TMC1: variants seen among roughly 807,000 people sequenced by gnomAD.
TMC1 encodes transmembrane channel like 1.
Under a neutral mutation model 105.8 loss-of-function variants are expected in TMC1, and 84 were observed. The observed-to-expected ratio is 0.79, with a 90% CI of 0.67 to 0.95. The LOEUF is 0.95. Ranked by LOEUF, TMC1 falls within the 40% of genes least tolerant of loss-of-function variation. The pLI, the probability that TMC1 is intolerant of heterozygous loss-of-function variation, is 0.00. For synonymous variants in TMC1, 315 were observed against 311.5 expected (o/e 1.01, Z -0.12); for missense variants, 817 against 914.1 (o/e 0.89, Z 1.37).
intron 5 of TMC1, among the ~76,000 whole-genome samples, chr9:72,682,743 G>A (rs1826307983): frequency 6.6e-6 from 1 of 152,148 alleles, no homozygotes; most frequent in Non-Finnish European, 1.5e-5. Flanking sequence ...GGCTGTATTA[G>A]CCCATTCTTG....
At chr9:72,621,900 A>T (rs1282488006) in intron 3 of TMC1, among the ~76,000 whole-genome samples, 1 of 152,222 alleles carries the variant, frequency 6.6e-6, no homozygotes, top group Non-Finnish European at 1.5e-5. Flanking sequence ...AAATAATCAT[A>T]AGATATCTGC....
At chr9:72,542,332 G>A (rs1823692876) in intron 1 of TMC1, among the ~76,000 whole-genome samples, 1 of 152,140 alleles carries the variant, frequency 6.6e-6, no homozygotes, top group South Asian at 2.1e-4. Context: ...GTGGTGGCAT[G>A]TGCCTGAAGT....
At chr9:72,664,244 A>G (rs1462414435) in intron 5 of TMC1, among the ~76,000 whole-genome samples, 3 of 152,084 alleles carry the variant, frequency 2.0e-5, no homozygotes, top group East Asian at 1.9e-4. Context: ...ACATTTTTGT[A>G]TGCCTGGCAG....
intron 1 of TMC1, among the ~76,000 whole-genome samples, chr9:72,524,879 A>G (rs1244530182): frequency 6.6e-6 from 1 of 152,174 alleles, no homozygotes; most frequent in South Asian, 2.1e-4. Context: ...GATGTTTGGA[A>G]TCCTATGTGG....
chr9:72,828,332 T>C (rs1828990653), intron 21 of TMC1, among the ~76,000 whole-genome samples: 2 of 152,280 alleles, frequency 1.3e-5, no homozygotes, highest in South Asian at 4.1e-4. Context: ...ATGTCCATGA[T>C]ACAGTGGCTT....
chr9:72,628,698 A>G (rs1197788102), intron 4 of TMC1, among the ~76,000 whole-genome samples: 2 of 152,244 alleles, frequency 1.3e-5, no homozygotes, highest in Non-Finnish European at 2.9e-5. Flanking sequence ...TCAGGTCTCT[A>G]AATACTTCAA....
intron 2 of TMC1, among the ~76,000 whole-genome samples, chr9:72,581,260 T>A (rs1340838153): frequency 6.6e-6 from 1 of 152,192 alleles, no homozygotes. Flanking sequence ...GAAAACTTAA[T>A]TTAGGGTTCT....
At chr9:72,752,174 G>A (rs1827590595) in intron 11 of TMC1, among the ~76,000 whole-genome samples, 1 of 152,114 alleles carries the variant, frequency 6.6e-6, no homozygotes, top group South Asian at 2.1e-4. Context: ...TATAACTTAT[G>A]TATAATTTCA....
chr9:72,758,970 G>A (rs187648244), intron 12 of TMC1, among the ~76,000 whole-genome samples: 8 of 152,110 alleles, frequency 5.3e-5, no homozygotes, highest in African/African-American at 1.9e-4. Context: ...GGAAGGCACA[G>A]ATATCTTGAC....
intron 9 of TMC1, among the ~76,000 whole-genome samples, chr9:72,742,064 TTTTA>T (rs1381897313): frequency 6.6e-6 from 1 of 152,150 alleles, no homozygotes; most frequent in Non-Finnish European, 1.5e-5. Flanking sequence ...TTATTATTTA[TTTTA>T]TTTAATTATT....
intron 3 of TMC1, among the ~76,000 whole-genome samples, chr9:72,625,278 T>C (rs56150026): frequency 0.11 from 16,908 of 152,178 alleles, 949 homozygotes; most frequent in Non-Finnish European, 0.13. Flanking sequence ...TTATTGCTTA[T>C]TGTAGCAAGA....
chr9:72,534,632 T>C (rs553271057), intron 1 of TMC1, among the ~76,000 whole-genome samples: 2 of 152,206 alleles, frequency 1.3e-5, no homozygotes, highest in Non-Finnish European at 2.9e-5. Context: ...AAGGCTATCA[T>C]TAGAAAAACG....
intron 4 of TMC1, among the ~76,000 whole-genome samples, chr9:72,646,822 T>G (rs2132148401): frequency 6.6e-6 from 1 of 152,084 alleles, no homozygotes; most frequent in East Asian, 1.9e-4. Flanking sequence ...ATAAAACAGT[T>G]CTTTATTTTT....
intron 2 of TMC1, among the ~76,000 whole-genome samples, chr9:72,584,362 C>T (rs1373598263): frequency 6.6e-6 from 1 of 151,204 alleles, no homozygotes; most frequent in Non-Finnish European, 1.5e-5. Flanking sequence ...ACCTTCAGGG[C>T]TCAAACCATC....
At chr9:72,794,978 A>G (rs1828337912) in intron 17 of TMC1, among the ~76,000 whole-genome samples, 1 of 152,232 alleles carries the variant, frequency 6.6e-6, no homozygotes, top group African/African-American at 2.4e-5. Flanking sequence ...GAATTTCACA[A>G]TGCAATCACA....
At chr9:72,783,191 G>C (rs1415374903) in intron 13 of TMC1, among the ~76,000 whole-genome samples, 3 of 152,102 alleles carry the variant, frequency 2.0e-5, no homozygotes, top group East Asian at 1.9e-4. Flanking sequence ...AGGGAGAAAG[G>C]CTCACATGAT....
intron 12 of TMC1, among the ~76,000 whole-genome samples, chr9:72,761,043 T>A (rs1204008925): frequency 2.0e-5 from 3 of 152,218 alleles, no homozygotes; most frequent in Non-Finnish European, 4.4e-5. Context: ...ACTGTATTTT[T>A]AAAATATTCT....
intron 6 of TMC1, among the ~76,000 whole-genome samples, chr9:72,689,535 T>TATTAC (rs56352213): frequency 0.29 from 43,704 of 151,702 alleles, 7,244 homozygotes; most frequent in African/African-American, 0.46. Context: ...TGGAATGTAA[T>TATTAC]GTAGGGTATT....
chr9:72,661,478 C>G (rs548400553), intron 5 of TMC1, among the ~76,000 whole-genome samples: 17 of 152,320 alleles, frequency 1.1e-4, no homozygotes, highest in African/African-American at 3.1e-4. Context: ...TAGGTCTTTG[C>G]TTATCATCAC....
Sources: gnomAD v4.1 joint callset for allele counts (sites outside exome capture counted in the v4.1 genomes callset) on GRCh38, gnomAD v4.1.1 for gene constraint, MANE v1.5 for transcripts, NCBI Gene and HGNC (gene_info 2026-07-23, HGNC 2026-07-21) for gene names.